TRA2B: variants seen among roughly 807,000 people sequenced by gnomAD.
TRA2B encodes transformer-2 protein homolog beta.
In TRA2B, 14 loss-of-function variants were observed where a neutral mutation model predicts 41.7. The ratio of observed to expected loss-of-function variants is 0.34; its 90% CI spans 0.22 to 0.53. The LOEUF (loss-of-function observed/expected upper bound fraction) is 0.53, where lower values mean the gene tolerates loss of function less well. Among genes scored for constraint, TRA2B ranks in the 20% least tolerant of loss-of-function variants. TRA2B has a pLI of 0.95. For missense variants in TRA2B, 167 were observed against 396.8 expected, an observed-to-expected ratio of 0.42 and a Z score of 4.92; for synonymous variants, 130 against 128.8, an observed-to-expected ratio of 1.01 and a Z score of -0.06.
In TRA2B at chr3:185,915,322, C is replaced by G. The variant is rs572068210; in HGVS notation, c.*2393G>C. Among the ~76,000 whole-genome samples, 154 of 152,352 alleles carry G rather than the reference C, an allele frequency of 1.0e-3. No homozygotes were observed. The highest frequency in any genetic ancestry group is 3.4e-3 in the African/African-American group (141 of 41,590). Reference sequence around the variant, plus strand: ...TTTGGTTTTAGTAGTCTCAGCCCTACAGCTATAAGAAATGGATTGTTTGTA... The same window carrying G: ...TTTGGTTTTAGTAGTCTCAGCCCTAGAGCTATAAGAAATGGATTGTTTGTA... On this transcript the variant is annotated 3_prime_UTR_variant, in exon 9 of 9. Transcript: ENST00000453386.
rs763993579 is a variant in TRA2B at position 185,916,712 on chromosome 3, A to G, written c.*1003T>C. 2.0e-5 allele frequency: 3 copies of G among 152,632 alleles called. No individual in the cohort carries two copies. Among genetic ancestry groups the G allele is most frequent in the Non-Finnish European group, 2.9e-5 (2 of 68,042 alleles). 9.5% of individuals were successfully genotyped at this position (152,632 alleles called of 1,614,324 possible). On this transcript the variant is annotated 3_prime_UTR_variant, in exon 9 of 9. Coordinates refer to ENST00000453386, the MANE Select transcript of TRA2B (RefSeq NM_004593.3). The stretch of plus-strand genomic sequence containing the variant: ...GAAGAACTCTAATTATAATAGAACA[A>G]GAACACTTCTTTGTGAACAGCTGCA...
At chr3:185,930,800 T>C (rs1034953698) in intron 1 of TRA2B, among the ~76,000 whole-genome samples, 1 of 152,164 alleles carries the variant, frequency 6.6e-6, no homozygotes, top group Non-Finnish European at 1.5e-5. Context: ...AACATTACAA[T>C]AGCTAAATGT....
Position 185,925,579 on chromosome 3 carries a change from G to T in TRA2B, c.218C>A (p.Ser73Tyr). The T allele has an allele frequency of 6.2e-7, 1 of 1,614,156 alleles. No homozygotes were observed. Among genetic ancestry groups the T allele is most frequent in the Non-Finnish European group, 8.5e-7 (1 of 1,180,008 alleles). Reference protein sequence around the residue: ...SSRRHYTRSRSRSRSHRRSRS... With the variant: ...SSRRHYTRSRYRSRSHRRSRS... ...TGATCGTCTATGGGAGCGGGAGCGA[G>T]ACCGTGACCGGGTATAATGCCTTCG... The change falls in exon 3 of 9, where the codon TCT (serine) becomes TAT (tyrosine). Residue 73 changes from serine to tyrosine, a missense_variant. By Grantham distance (144) the Ser-to-Tyr change is moderately radical. This residue lies in a region of TRA2B where 94 missense variants were observed against 133.4 expected (regional missense o/e 0.70). Transcript: ENST00000453386.
At chr3:185,937,340 G>A in intron 1 of TRA2B, 5 of 990,700 alleles carry the variant, frequency 5.0e-6, no homozygotes, top group Non-Finnish European at 6.0e-6. Flanking sequence ...AAAGAACGTC[G>A]TCTGTCCCCT....
chr3:185,936,931 G>A, intron 1 of TRA2B: 2 of 985,258 alleles, frequency 2.0e-6, no homozygotes, highest in Non-Finnish European at 2.4e-6. Flanking sequence ...GAAACTTAAG[G>A]GAAAGAAAAC....
At chr3:185,930,690 A>C (rs998366643) in intron 1 of TRA2B, among the ~76,000 whole-genome samples, 1 of 152,162 alleles carries the variant, frequency 6.6e-6, no homozygotes, top group African/African-American at 2.4e-5. Context: ...GCTAAAACAA[A>C]ACACACAGAA....
rs1743501594 is a variant in TRA2B at position 185,916,432 on chromosome 3, T to C, written c.*1283A>G. 2 of 152,188 alleles carry C rather than the reference T, an allele frequency of 1.3e-5. No individual in the cohort carries two copies. The highest frequency in any genetic ancestry group is 1.3e-4 in the Admixed American group (2 of 15,280). The allele number at this position is 152,188 out of a possible 1,614,324, so 9.4% of individuals were successfully genotyped here. A position where few individuals can be genotyped will look rare whatever the true frequency, so the allele number is the denominator to read the frequency against. ...GATAAAGGTTAGCAAGGCAACAAAA[T>C]AACCCACCTGTAGCAACATCCCTAC... On this transcript the variant is annotated 3_prime_UTR_variant, in exon 9 of 9. Coordinates refer to ENST00000453386, the MANE Select transcript of TRA2B (RefSeq NM_004593.3).
intron 1 of TRA2B, chr3:185,937,316 G>A (rs555972537): frequency 3.0e-6 from 3 of 988,230 alleles, no homozygotes; most frequent in South Asian, 4.5e-5. Context: ...CCTAAACACC[G>A]GCCCAAAGAC....
At chr3:185,930,492 G>A (rs1744109055) in intron 1 of TRA2B, among the ~76,000 whole-genome samples, 2 of 152,126 alleles carry the variant, frequency 1.3e-5, no homozygotes, top group Non-Finnish European at 2.9e-5. Flanking sequence ...CTTTCTCCAA[G>A]AGCATGAAGA....
intron 1 of TRA2B, chr3:185,936,211 A>G (rs78134259): frequency 0.08 from 78,558 of 985,284 alleles, 4,095 homozygotes; most frequent in African/African-American, 0.24. Context: ...TTTCTGTTTA[A>G]TAACAAAAGA....
chr3:185,937,271 T>A (rs1029905402), intron 1 of TRA2B: 1 of 986,356 alleles, frequency 1.0e-6, no homozygotes, highest in Admixed American at 6.1e-5. Context: ...CCAGACTCCG[T>A]CCTTTCCGTG....
intron 3 of TRA2B, 113 bp downstream of exon 3, chr3:185,925,351 G>A (rs1743906480): frequency 7.9e-7 from 1 of 1,261,956 alleles, no homozygotes. Context: ...AAAAGCCTCT[G>A]AAGATTTCAC....
chr3:185,933,626 T>C (rs1578486776), intron 1 of TRA2B, among the ~76,000 whole-genome samples: 2 of 152,214 alleles, frequency 1.3e-5, no homozygotes, highest in Admixed American at 1.3e-4. Flanking sequence ...GAAAGGTCAA[T>C]GCTCATATCA....
intron 3 of TRA2B, 151 bp from the exon 4 acceptor site, chr3:185,924,135 C>T (rs949701813): frequency 1.8e-6 from 1 of 550,200 alleles, no homozygotes; most frequent in Non-Finnish European, 2.9e-6. Flanking sequence ...AAAATTACAG[C>T]AAGTACTACA....
At chr3:185,935,451 G>T in intron 1 of TRA2B, 9 of 985,238 alleles carry the variant, frequency 9.1e-6, no homozygotes, top group Non-Finnish European at 1.1e-5. Context: ...ATCAAACTGA[G>T]AATAATTTAT....
intron 3 of TRA2B, chr3:185,925,213 CG>C (rs1046796429): frequency 2.9e-4 from 106 of 370,710 alleles, no homozygotes; most frequent in African/African-American, 1.9e-3. Flanking sequence ...GTAATGCAGT[CG>C]GAAGTTTTTT....
At chr3:185,920,997 T>C (rs753063471) in intron 6 of TRA2B, 107 bp downstream of exon 6, 13 of 861,234 alleles carry the variant, frequency 1.5e-5, no homozygotes, top group Non-Finnish European at 2.1e-5. Context: ...ATTTCTCGAG[T>C]AAAAGTACTA....
intron 4 of TRA2B, chr3:185,923,284 AGTGTTTCT>A (rs1403396251): frequency 1.3e-5 from 2 of 152,332 alleles, no homozygotes; most frequent in African/African-American, 4.8e-5. Flanking sequence ...TTTGTCATTA[AGTGTTTCT>A]CAGTTCTTCC....
At chr3:185,935,561 C>T in intron 1 of TRA2B, 1 of 985,386 alleles carries the variant, frequency 1.0e-6, no homozygotes, top group East Asian at 1.1e-4. Context: ...GGATTAGAGA[C>T]AGATAAATAA....
Sources: allele counts gnomAD v4.1 joint callset (sites outside exome capture counted in the v4.1 genomes callset), GRCh38; gene constraint gnomAD v4.1.1; regional missense constraint gnomAD v4.1.1; transcripts MANE v1.5; gene names NCBI Gene and HGNC (gene_info 2026-07-23, HGNC 2026-07-21).